Variants in RPL34 observed in about 807,000 individuals in gnomAD.
RPL34 encodes ribosomal protein L34.
In RPL34, 2 loss-of-function variants were observed where a neutral mutation model predicts 16.3. That is an observed-to-expected ratio of 0.12 (90% CI 0.05 to 0.39). RPL34 has a LOEUF of 0.39. Ranked by LOEUF, RPL34 falls within the 10% of genes least tolerant of loss-of-function variation. The pLI is 0.99. For missense variants in RPL34, 82 were observed against 148.8 expected, an observed-to-expected ratio of 0.55 and a Z score of 2.33; for synonymous variants, 47 against 48.5, an observed-to-expected ratio of 0.97 and a Z score of 0.13.
At chr4:108,629,450 T>G (rs1454063006), downstream of RPL34, among the ~76,000 whole-genome samples, 1 of 152,224 alleles carries the variant, frequency 6.6e-6, no homozygotes, top group Non-Finnish European at 1.5e-5. Context: ...AAGTTGGTGT[T>G]GAAGTTCAGT....
downstream of RPL34, among the ~76,000 whole-genome samples, chr4:108,627,619 T>C (rs1460507982): frequency 6.6e-6 from 1 of 151,998 alleles, no homozygotes; most frequent in Non-Finnish European, 1.5e-5. Context: ...CCCAGCACTT[T>C]GGGAGGCTGA....
intron 1 of RPL34, chr4:108,621,280 C>G (rs1020699892): frequency 6.6e-6 from 1 of 152,310 alleles, no homozygotes; most frequent in Non-Finnish European, 1.5e-5. Flanking sequence ...CGAAGTTGCT[C>G]GTATGCATAT....
intron 1 of RPL34, 38 bp from the exon 2 acceptor site, chr4:108,621,913 C>T (rs1363875769): frequency 7.4e-7 from 1 of 1,352,882 alleles, no homozygotes; most frequent in Non-Finnish European, 1.1e-6. Flanking sequence ...TTTACTTTTA[C>T]AATGGAAAGA....
downstream of RPL34, chr4:108,625,492 TCTC>T (rs2110366909): frequency 7.5e-6 from 2 of 265,816 alleles, no homozygotes; most frequent in South Asian, 1.0e-4. Flanking sequence ...TTCAAGTGAT[TCTC>T]CTGCCTCAGC....
chr4:108,624,461 C>A (rs1451707955), intron 4 of RPL34, among the ~76,000 whole-genome samples: 2 of 152,100 alleles, frequency 1.3e-5, no homozygotes, highest in Admixed American at 1.3e-4. Flanking sequence ...GCTAGGAAGA[C>A]CTGCTTTTTG....
downstream of RPL34, among the ~76,000 whole-genome samples, chr4:108,627,811 G>A (rs940572893): frequency 4.6e-5 from 7 of 150,990 alleles, no homozygotes; most frequent in Admixed American, 6.6e-5. Flanking sequence ...GCACTGAGCC[G>A]AGATTGCACC....
chr4:108,630,097 G>A (rs1205274630), downstream of RPL34: 2 of 152,144 alleles, frequency 1.3e-5, no homozygotes, highest in African/African-American at 4.8e-5. Context: ...TCTCTTTCCA[G>A]TTTTGCATCC....
downstream of RPL34, among the ~76,000 whole-genome samples, chr4:108,629,113 G>C (rs1008771458): frequency 5.3e-5 from 8 of 152,022 alleles, no homozygotes; most frequent in Admixed American, 3.9e-4. Flanking sequence ...CCACCACGCT[G>C]GGCCACTACT....
downstream of RPL34, chr4:108,625,373 TGTTTGTTTTTG>T: frequency 1.9e-6 from 1 of 518,722 alleles, no homozygotes; most frequent in Admixed American, 3.4e-5. Context: ...GTTTGTTGTT[TGTTTGTTTTTG>T]GTTTGGTTTG....
downstream of RPL34, chr4:108,630,436 C>T (rs775088575): frequency 2.6e-5 from 4 of 152,092 alleles, no homozygotes; most frequent in African/African-American, 4.8e-5. Flanking sequence ...GTGACCAGTT[C>T]TCTGTATGAA....
chr4:108,622,827 T>G (rs1407687173), intron 4 of RPL34: 1 of 431,256 alleles, frequency 2.3e-6, no homozygotes, highest in African/African-American at 2.1e-5. Context: ...ATGTGGAGAT[T>G]AAAAGGAACT....
intron 3 of RPL34, 60 bp downstream of exon 3, chr4:108,622,264 C>A: frequency 1.6e-6 from 2 of 1,222,398 alleles, no homozygotes; most frequent in South Asian, 1.2e-5. Context: ...AGCTTTCATC[C>A]CTTGACGATG....
downstream of RPL34, among the ~76,000 whole-genome samples, chr4:108,628,551 G>C (rs527487654): frequency 6.6e-6 from 1 of 152,184 alleles, no homozygotes; most frequent in Non-Finnish European, 1.5e-5. Context: ...GTTCTTGCTG[G>C]TGGAAGGAGG....
chr4:108,621,821 AATAC>A (rs1447096194), intron 1 of RPL34, 126 bp from the exon 2 acceptor site: 11 of 660,778 alleles, frequency 1.7e-5, no homozygotes, highest in Non-Finnish European at 2.7e-5. Context: ...AATGTGGAAT[AATAC>A]ATCTTAATTT....
At chr4:108,622,434 A>T in intron 3 of RPL34, 81 bp from the exon 4 acceptor site, 1 of 1,055,062 alleles carries the variant, frequency 9.5e-7, no homozygotes, top group Non-Finnish European at 1.5e-6. Flanking sequence ...AACCTACTTT[A>T]AACTTGCCCT....
intron 2 of RPL34, 22 bp downstream of exon 2, chr4:108,622,046 A>G: frequency 6.2e-7 from 1 of 1,602,228 alleles, no homozygotes; most frequent in Non-Finnish European, 8.6e-7. Context: ...TGAAAATTTT[A>G]AGTATATATT....
chr4:108,623,976 T>C (rs940077891), intron 4 of RPL34, among the ~76,000 whole-genome samples: 1 of 152,202 alleles, frequency 6.6e-6, no homozygotes, highest in African/African-American at 2.4e-5. Context: ...GCAAGGAAAG[T>C]ACGGACTGAT....
chr4:108,622,059 C>A, intron 2 of RPL34, 35 bp downstream of exon 2: 2 of 1,591,862 alleles, frequency 1.3e-6, no homozygotes, highest in South Asian at 2.2e-5. Flanking sequence ...TATATATTGT[C>A]ATTTACTCTA....
downstream of RPL34, among the ~76,000 whole-genome samples, chr4:108,628,095 CAAT>C (rs1189672894): frequency 6.6e-6 from 1 of 152,116 alleles, no homozygotes; most frequent in Non-Finnish European, 1.5e-5. Context: ...CTAGCATAAT[CAAT>C]GATAGCTGGG....
Sources: gnomAD v4.1 joint callset for allele counts (sites outside exome capture counted in the v4.1 genomes callset) on GRCh38, gnomAD v4.1.1 for gene constraint, MANE v1.5 for transcripts, NCBI Gene and HGNC (gene_info 2026-07-23, HGNC 2026-07-21) for gene names.